Variants in TRPM3 observed in about 807,000 individuals in gnomAD.
TRPM3 encodes transient receptor potential cation channel subfamily M member 3, also known as long transient receptor potential channel 3.
Under a neutral mutation model 181.2 loss-of-function variants are expected in TRPM3, and 77 were observed. The ratio of observed to expected loss-of-function variants is 0.42; its 90% CI spans 0.35 to 0.51. TRPM3 has a LOEUF of 0.51. Among genes scored for constraint, TRPM3 ranks in the 20% least tolerant of loss-of-function variants. The pLI is 0.01. For synonymous variants in TRPM3, 745 were observed against 796.4 expected (o/e 0.94, Z 1.09); for missense variants, 1,759 against 2,196.7 (o/e 0.80, Z 3.98).
intron 1 of TRPM3, among the ~76,000 whole-genome samples, chr9:71,043,184 C>A (rs531663064): frequency 6.6e-6 from 1 of 152,308 alleles, no homozygotes; most frequent in Non-Finnish European, 1.5e-5. Flanking sequence ...CTGACATATT[C>A]TCTCTCAATT....
At chr9:71,073,385 A>C (rs1337843593) in intron 1 of TRPM3, among the ~76,000 whole-genome samples, 1 of 152,224 alleles carries the variant, frequency 6.6e-6, no homozygotes, top group Non-Finnish European at 1.5e-5. Flanking sequence ...CTACATAGTA[A>C]AAGGAAGACC....
At chr9:71,273,619 T>C (rs2083968795) in intron 1 of TRPM3, among the ~76,000 whole-genome samples, 1 of 152,254 alleles carries the variant, frequency 6.6e-6, no homozygotes, top group African/African-American at 2.4e-5. Flanking sequence ...TATGCGACTC[T>C]GGGAACTTTA....
chr9:70,877,103 T>A (rs1453293518), intron 1 of TRPM3, among the ~76,000 whole-genome samples: 17 of 152,050 alleles, frequency 1.1e-4, no homozygotes, highest in Non-Finnish European at 1.6e-4. Flanking sequence ...TTATTAATGG[T>A]CTTTTAAAAT....
chr9:70,556,376 G>T (rs570634943), intron 22 of TRPM3, among the ~76,000 whole-genome samples: 2 of 151,798 alleles, frequency 1.3e-5, no homozygotes, highest in Admixed American at 6.6e-5. Flanking sequence ...TACTCATCCT[G>T]CTTTAACAGA....
At chr9:70,758,590 G>A (rs954058754) in intron 8 of TRPM3, among the ~76,000 whole-genome samples, 1 of 152,124 alleles carries the variant, frequency 6.6e-6, no homozygotes, top group Non-Finnish European at 1.5e-5. Context: ...ATACTGGGAG[G>A]CTACAGTAAC....
intron 1 of TRPM3, among the ~76,000 whole-genome samples, chr9:71,427,244 A>C (rs2093880771): frequency 6.6e-6 from 1 of 152,152 alleles, no homozygotes; most frequent in Admixed American, 6.6e-5. Flanking sequence ...TCTTACTCTA[A>C]AGTTTTTATA....
intron 1 of TRPM3, among the ~76,000 whole-genome samples, chr9:71,083,477 G>A (rs2064738007): frequency 6.6e-6 from 1 of 152,010 alleles, no homozygotes; most frequent in African/African-American, 2.4e-5. Flanking sequence ...TTTATTGGAT[G>A]AGCCAGTCTT....
chr9:71,348,578 T>A (rs201721879), intron 1 of TRPM3, among the ~76,000 whole-genome samples: 15 of 146,880 alleles, frequency 1.0e-4, no homozygotes, highest in South Asian at 2.2e-4. Context: ...TTATTTATTT[T>A]TTATTTTTTG....
intron 9 of TRPM3, among the ~76,000 whole-genome samples, chr9:70,646,914 C>T (rs2058956232): frequency 1.3e-5 from 2 of 148,870 alleles, no homozygotes; most frequent in South Asian, 4.2e-4. Flanking sequence ...ATTAGGGACA[C>T]CTCTATGCAC....
intron 1 of TRPM3, among the ~76,000 whole-genome samples, chr9:71,297,877 GC>G (rs1166541608): frequency 1.3e-4 from 20 of 152,118 alleles, no homozygotes; most frequent in Admixed American, 5.2e-4. Flanking sequence ...AGTTTCCTTA[GC>G]ATGCCTGTAA....
Position 70,534,638 on chromosome 9 carries a change from T to C in TRPM3, c.*1315A>G, listed in dbSNP as rs1230124658. On this transcript the variant is annotated 3_prime_UTR_variant, in exon 26 of 26. Coordinates refer to ENST00000677713, the MANE Select transcript of TRPM3 (RefSeq NM_001366145.2). Reference sequence around the variant, plus strand: ...TATAGCTCTGTCTATAAGAAAAATATTCATGGTATGCTTGCAACTGATGGC... The same window carrying C: ...TATAGCTCTGTCTATAAGAAAAATACTCATGGTATGCTTGCAACTGATGGC... The C allele has an allele frequency of 1.3e-5, 2 of 152,228 alleles. No individual in the cohort carries two copies. The highest frequency in any genetic ancestry group is 2.4e-5 in the African/African-American group (1 of 41,460). The allele number at this position is 152,228 out of a possible 1,614,324, so 9.4% of individuals were successfully genotyped here.
intron 7 of TRPM3, among the ~76,000 whole-genome samples, chr9:70,778,492 T>A (rs906417754): frequency 1.3e-5 from 2 of 152,180 alleles, no homozygotes; most frequent in African/African-American, 4.8e-5. Context: ...TAACCCTTTT[T>A]ATAGATAAAA....
chr9:71,326,653 C>T (rs1203988657), intron 1 of TRPM3, among the ~76,000 whole-genome samples: 1 of 152,178 alleles, frequency 6.6e-6, no homozygotes. Context: ...CGCATTGATA[C>T]TGCCATTTAG....
chr9:70,682,653 G>T (rs2065770055), intron 8 of TRPM3, among the ~76,000 whole-genome samples: 1 of 152,054 alleles, frequency 6.6e-6, no homozygotes, highest in African/African-American at 2.4e-5. Context: ...CAACTTCTGG[G>T]GCAGTGATAA....
chr9:71,446,891 C>T, upstream of TRPM3: 1 of 1,446,636 alleles, frequency 6.9e-7, no homozygotes, highest in South Asian at 1.4e-5. Flanking sequence ...CTCTCGCTGG[C>T]TCCTCGCCGC....
At chr9:71,150,047 A>G in intron 1 of TRPM3, among the ~76,000 whole-genome samples, 1 of 152,144 alleles carries the variant, frequency 6.6e-6, no homozygotes, top group East Asian at 1.9e-4. Flanking sequence ...AAGAAAGAAG[A>G]ACAAAATGAA....
intron 1 of TRPM3, among the ~76,000 whole-genome samples, chr9:70,964,462 T>G (rs2097166856): frequency 6.6e-6 from 1 of 152,098 alleles, no homozygotes; most frequent in Non-Finnish European, 1.5e-5. Context: ...TTTTTACTTG[T>G]GGTTCCTCAT....
Position 70,921,043 on chromosome 9 carries a change from C to T in TRPM3, c.178-56532G>A, listed in dbSNP as rs535838425. Among the ~76,000 whole-genome samples, 9 of 152,298 alleles carry T rather than the reference C, an allele frequency of 5.9e-5. No homozygotes were observed. The South Asian group carries it at 1.9e-3, about 32-fold the overall frequency. On this transcript the variant is annotated intron_variant, in intron 1 of 25. Coordinates refer to ENST00000677713, the MANE Select transcript of TRPM3 (RefSeq NM_001366145.2). The stretch of plus-strand genomic sequence containing the variant: ...TTTCAACTGCCTTCTGTTGGTCCCT[C>T]TAAAAATGTTTGATTGCTCCCACTC...
chr9:71,050,751 C>T (rs991676201), intron 1 of TRPM3, among the ~76,000 whole-genome samples: 2 of 151,980 alleles, frequency 1.3e-5, no homozygotes, highest in African/African-American at 4.8e-5. Context: ...GGGCCCAAGC[C>T]CACGGAATGC....
Sources: gnomAD v4.1 joint callset for allele counts (sites outside exome capture counted in the v4.1 genomes callset) on GRCh38, gnomAD v4.1.1 for gene constraint, MANE v1.5 for transcripts, NCBI Gene and HGNC (gene_info 2026-07-23, HGNC 2026-07-21) for gene names.